Variants in PLCE1 observed in about 807,000 individuals in gnomAD.
PLCE1 encodes 1-phosphatidylinositol 4,5-bisphosphate phosphodiesterase epsilon-1.
In PLCE1, 119 loss-of-function variants were observed where a neutral mutation model predicts 242.8. The observed-to-expected ratio is 0.49, with a 90% CI of 0.42 to 0.57. The LOEUF (loss-of-function observed/expected upper bound fraction) is 0.57. PLCE1 is among the 20% of genes least tolerant of loss of function. The probability of loss-of-function intolerance (pLI) is 0.00; values close to 1 mark genes in which losing one functional copy is unlikely to be tolerated. For synonymous variants in PLCE1, 945 were observed against 1,017.4 expected, an observed-to-expected ratio of 0.93 and a Z score of 1.35; for missense variants, 2,441 against 2,788.8, an observed-to-expected ratio of 0.88 and a Z score of 2.81.
At chr10:94,121,332 G>A (rs2046291686) in intron 2 of PLCE1, among the ~76,000 whole-genome samples, 1 of 152,210 alleles carries the variant, frequency 6.6e-6, no homozygotes, top group Non-Finnish European at 1.5e-5. Context: ...ACTTCAACAA[G>A]GGGAGCTGAG....
Position 94,304,384 on chromosome 10 carries a change from A to G in PLCE1, c.5459-98A>G, listed in dbSNP as rs2053134866. ...CTTTTTCATGCTGGAGCTTAGGGAA[A>G]ATTGATGCAAAGTTCTTTTGAACTT... is the stretch of plus-strand genomic sequence containing the variant. On this transcript the variant is annotated intron_variant, in intron 24 of 32. Transcript: ENST00000371380. 7.2e-6 allele frequency: 8 copies of G among 1,107,058 alleles called. No homozygotes were observed. In the East Asian group the frequency reaches 1.9e-4, roughly 26 times the overall value. The allele number at this position is 1,107,058 out of a possible 1,614,324, so 68.6% of individuals were successfully genotyped here. A position where few individuals can be genotyped will look rare whatever the true frequency, so the allele number is the denominator to read the frequency against.
intron 32 of PLCE1, chr10:94,325,596 CAAAAAAAA>C (rs1170249339): frequency 3.5e-5 from 4 of 113,332 alleles, no homozygotes; most frequent in Non-Finnish European, 7.6e-5. Context: ...AACTCCGTCT[CAAAAAAAA>C]AAAAAGAAAA....
rs1589426432 is a variant in PLCE1, at chr10:94,255,052, G to T, written c.3554+3G>T. 4.3e-6 allele frequency: 7 copies of T among 1,613,994 alleles called. No individual in the cohort carries two copies. Among genetic ancestry groups the T allele is most frequent in the Non-Finnish European group, 5.9e-6 (7 of 1,179,948 alleles). The stretch of plus-strand genomic sequence containing the variant: ...TCTTCAAACAAGAGCCCATCCAGGT[G>T]GGGCCTTAACATGATAAAACAGAAG... On this transcript the variant is annotated splice_donor_region_variant and intron_variant, in intron 11 of 32. Coordinates refer to ENST00000371380, the MANE Select transcript of PLCE1 (RefSeq NM_016341.4).
chr10:94,133,060 G>A (rs2046657426), intron 3 of PLCE1, among the ~76,000 whole-genome samples: 1 of 151,548 alleles, frequency 6.6e-6, no homozygotes, highest in South Asian at 2.1e-4. Flanking sequence ...GTTTCTCCTA[G>A]TGGTAGTTTA....
chr10:94,096,407 G>A (rs569924349), intron 2 of PLCE1: 1 of 152,320 alleles, frequency 6.6e-6, no homozygotes, highest in Admixed American at 6.5e-5. Context: ...GAGGCCTCAT[G>A]AAACTTAATC....
intron 4 of PLCE1, among the ~76,000 whole-genome samples, chr10:94,190,301 GT>G (rs1168818849): frequency 6.6e-6 from 1 of 151,928 alleles, no homozygotes; most frequent in Non-Finnish European, 1.5e-5. Context: ...AATTAATTAC[GT>G]TTTTTTAAAA....
chr10:94,203,141 A>G (rs188750264), intron 4 of PLCE1, among the ~76,000 whole-genome samples: 56 of 152,332 alleles, frequency 3.7e-4, no homozygotes, highest in African/African-American at 1.2e-3. Flanking sequence ...CTTAGAAAAC[A>G]TGTCTGAGCT....
rs550078973 is a variant in PLCE1, at chr10:94,223,492, A to C, written c.1810-3814A>C. 7.9e-5 allele frequency among the ~76,000 whole-genome samples: 12 copies of C among 152,376 alleles called. No homozygotes were observed. In the South Asian group the frequency reaches 1.4e-3, roughly 18 times the overall value. On this transcript the variant is annotated intron_variant, in intron 4 of 32. Transcript: ENST00000371380. ...TGAATGATGCAAGAAAATTCCTTCC[A>C]AAATGAGCATGTGTGACACCAATAA... is the stretch of plus-strand genomic sequence containing the variant.
chr10:94,017,095 G>A (rs900526762), intron 1 of PLCE1, among the ~76,000 whole-genome samples: 1 of 152,010 alleles, frequency 6.6e-6, no homozygotes, highest in Non-Finnish European at 1.5e-5. Flanking sequence ...ACCTTCCTGG[G>A]TAGCCCCACC....
chr10:94,189,709 T>C (rs1012423299), intron 4 of PLCE1, among the ~76,000 whole-genome samples: 2 of 152,146 alleles, frequency 1.3e-5, no homozygotes, highest in Non-Finnish European at 2.9e-5. Context: ...AGAGTCCCAG[T>C]AATTCAGTGA....
intron 2 of PLCE1, among the ~76,000 whole-genome samples, chr10:94,040,730 A>C (rs1478316161): frequency 6.6e-6 from 1 of 152,198 alleles, no homozygotes; most frequent in Non-Finnish European, 1.5e-5. Flanking sequence ...CCATCTTCCT[A>C]GTTCAGGAAT....
chr10:94,124,197 T>C (rs1007036791), intron 2 of PLCE1, among the ~76,000 whole-genome samples: 3 of 151,786 alleles, frequency 2.0e-5, no homozygotes, highest in East Asian at 1.9e-4. Flanking sequence ...GTGGGCAACA[T>C]AGCAAGACCA....
intron 4 of PLCE1, among the ~76,000 whole-genome samples, chr10:94,206,892 C>A (rs1349711320): frequency 6.6e-6 from 1 of 152,176 alleles, no homozygotes; most frequent in Non-Finnish European, 1.5e-5. Context: ...CTCTAAAGTT[C>A]TTTACAACTT....
At chr10:94,208,017 G>T (rs911937440) in intron 4 of PLCE1, among the ~76,000 whole-genome samples, 1 of 152,154 alleles carries the variant, frequency 6.6e-6, no homozygotes, top group Admixed American at 6.5e-5. Flanking sequence ...TCACCATTTG[G>T]TAGCTGTCAT....
chr10:94,067,877 C>G (rs2044241519), intron 2 of PLCE1, among the ~76,000 whole-genome samples: 1 of 152,158 alleles, frequency 6.6e-6, no homozygotes, highest in Admixed American at 6.5e-5. Context: ...GCATCCAGAG[C>G]TTGGAGCAGG....
chr10:94,019,215 G>C (rs1322094438), intron 1 of PLCE1, among the ~76,000 whole-genome samples: 1 of 152,184 alleles, frequency 6.6e-6, no homozygotes, highest in African/African-American at 2.4e-5. Flanking sequence ...TGCTATGCCA[G>C]TGCTATGAAT....
intron 2 of PLCE1, among the ~76,000 whole-genome samples, chr10:94,130,274 A>G (rs1296931100): frequency 6.6e-6 from 1 of 152,242 alleles, no homozygotes; most frequent in African/African-American, 2.4e-5. Context: ...GAAACACAGA[A>G]GAGCAAGGGC....
In PLCE1 at chr10:94,313,332, A is replaced by G. The variant is rs2053449249; in HGVS notation, c.6082A>G (p.Thr2028Ala). The G allele has an allele frequency of 1.2e-6, 2 of 1,614,068 alleles. No homozygotes were observed. The highest frequency in any genetic ancestry group is 1.7e-6 in the Non-Finnish European group (2 of 1,180,022). ...TGGGGTCCCAGGGCCAGAGCCCTTT[A>G]CCGTTTTCACTATTAATGGAGGCAC... ...VHGVPGPEPF[T>A]VFTINGGTKA... is the part of the protein sequence containing the mutation. Residue 2028 changes from threonine to alanine, a missense_variant, in exon 28 of 33, where the codon ACC becomes GCC. Around this residue, in one of 5 missense-constraint regions of PLCE1, gnomAD observed 1,004 missense variants for 1,322.7 expected, o/e 0.76. Coordinates refer to ENST00000371380, the MANE Select transcript of PLCE1 (RefSeq NM_016341.4).
chr10:94,298,539 G>A lies in PLCE1; in HGVS notation c.5328G>A (p.Leu1776=), dbSNP rs2052923009. The change falls in exon 24 of 33, where the codon CTG becomes CTA. Residue 1776 remains leucine, a synonymous_variant. Transcript: ENST00000371380. The surrounding 1 kb of genome is among the most constrained non-coding windows in gnomAD (Gnocchi z 5.2). ...KRLCRRYSQK[L]TQHTACQLLR... ...TGTGTCGCAGGTATTCTCAGAAACTGACCCAGCACACCGCCTGTCAGCTGC... is the reference window on the plus strand; with the variant it reads ...TGTGTCGCAGGTATTCTCAGAAACTAACCCAGCACACCGCCTGTCAGCTGC... 6.2e-7 allele frequency: 1 copy of A among 1,613,886 alleles called. No homozygotes were observed.
Sources: gnomAD v4.1 joint callset for allele counts (sites outside exome capture counted in the v4.1 genomes callset) on GRCh38, gnomAD v4.1.1 for gene constraint, gnomAD v4.1.1 regional missense constraint, Gnocchi (gnomAD v3.1) non-coding constraint, MANE v1.5 for transcripts, NCBI Gene and HGNC (gene_info 2026-07-23, HGNC 2026-07-21) for gene names.